The following PCMTD1 variants were observed in gnomAD, a reference collection of about 807,000 sequenced individuals.
PCMTD1 encodes protein-L-isoaspartate O-methyltransferase domain-containing protein 1.
In PCMTD1, 12 loss-of-function variants were observed where a neutral mutation model predicts 37.6. The ratio of observed to expected loss-of-function variants is 0.32; its 90% CI spans 0.20 to 0.52. The LOEUF (loss-of-function observed/expected upper bound fraction) is 0.52, where lower values mean the gene tolerates loss of function less well. Ranked by LOEUF, PCMTD1 falls within the 20% of genes least tolerant of loss-of-function variation. PCMTD1 has a pLI of 0.97. For synonymous variants in PCMTD1, 117 were observed against 135.8 expected (o/e 0.86, Z 0.96); for missense variants, 235 against 421.3 (o/e 0.56, Z 3.87).
intron 1 of PCMTD1, among the ~76,000 whole-genome samples, chr8:51,880,939 T>C (rs1001979760): frequency 1.3e-5 from 2 of 152,252 alleles, no homozygotes; most frequent in African/African-American, 4.8e-5. Flanking sequence ...ATCATTTTCA[T>C]GTCATAAAAT....
At chr8:51,868,694 AAAT>A (rs1490838403) in intron 1 of PCMTD1, among the ~76,000 whole-genome samples, 1 of 152,166 alleles carries the variant, frequency 6.6e-6, no homozygotes, top group African/African-American at 2.4e-5. Context: ...ATTATTACAT[AAAT>A]AATAACTTAA....
At chr8:51,858,922 A>G (rs2038430923) in intron 2 of PCMTD1, among the ~76,000 whole-genome samples, 1 of 152,184 alleles carries the variant, frequency 6.6e-6, no homozygotes, top group South Asian at 2.1e-4. Flanking sequence ...TAAGACATTC[A>G]TGATACAATA....
At chr8:51,846,410 G>C (rs4545087) in intron 2 of PCMTD1, among the ~76,000 whole-genome samples, 148,804 of 152,310 alleles carry the variant, frequency 0.98, 72,786 homozygotes, top group East Asian at 1. Flanking sequence ...TCCCAGCCCC[G>C]AGAGATGTTA....
intron 2 of PCMTD1, chr8:51,850,064 T>C (rs762723339): frequency 1.3e-5 from 9 of 702,264 alleles, no homozygotes; most frequent in South Asian, 3.0e-5. Flanking sequence ...ATCATTTCAG[T>C]TGAGGACTCT....
chr8:51,877,515 A>AT (rs560688162), intron 1 of PCMTD1, among the ~76,000 whole-genome samples: 30 of 152,320 alleles, frequency 2.0e-4, no homozygotes, highest in South Asian at 4.1e-4. Flanking sequence ...AAGTACATTA[A>AT]TTTTTTTATT....
At chr8:51,841,457 C>G (rs531147923) in intron 3 of PCMTD1, among the ~76,000 whole-genome samples, 2 of 152,180 alleles carry the variant, frequency 1.3e-5, no homozygotes, top group East Asian at 3.9e-4. Flanking sequence ...TAAAAGGGGA[C>G]GAATATAGGA....
At chr8:51,842,390 G>A (rs1411094266) in intron 3 of PCMTD1, among the ~76,000 whole-genome samples, 1 of 152,058 alleles carries the variant, frequency 6.6e-6, no homozygotes, top group Admixed American at 6.6e-5. Context: ...GAGTGCAATA[G>A]TGCAATCTTG....
At chr8:51,878,503 T>C (rs183793578) in intron 1 of PCMTD1, among the ~76,000 whole-genome samples, 2 of 152,254 alleles carry the variant, frequency 1.3e-5, no homozygotes, top group Admixed American at 6.5e-5. Flanking sequence ...TCCCAGCACT[T>C]TGGGAGGCTG....
intron 1 of PCMTD1, among the ~76,000 whole-genome samples, chr8:51,864,428 A>G (rs2038521306): frequency 6.6e-6 from 1 of 152,206 alleles, no homozygotes; most frequent in African/African-American, 2.4e-5. Context: ...TCTATCCAAC[A>G]GCAACTGAAA....
chr8:51,839,394 G>A (rs1585799598), intron 3 of PCMTD1: 4 of 912,910 alleles, frequency 4.4e-6, no homozygotes, highest in Non-Finnish European at 3.9e-6. Flanking sequence ...CAGATATCTC[G>A]GTTTAGAACA....
rs775700082 is a variant in PCMTD1 at position 51,831,429 on chromosome 8, T to A, written c.706+15A>T. The A allele has an allele frequency of 3.0e-5, 49 of 1,610,294 alleles. No homozygotes were observed. The highest frequency in any genetic ancestry group is 1.9e-4 in the Middle Eastern group (1 of 5,272). On this transcript the variant is annotated intron_variant, in intron 5 of 5. Transcript: ENST00000522514. Reference sequence around the variant, plus strand: ...TAAGTCATAATTCAATCAGAAAATATGAAGAGCTACTTACGGAGTCCCACA... The same window carrying A: ...TAAGTCATAATTCAATCAGAAAATAAGAAGAGCTACTTACGGAGTCCCACA...
Position 51,845,756 on chromosome 8 carries a change from A to G in PCMTD1, c.315T>C (p.Phe105=), listed in dbSNP as rs2038208596. The G allele has an allele frequency of 1.9e-6, 3 of 1,611,168 alleles. No homozygotes were observed. The highest frequency in any genetic ancestry group is 1.1e-5 in the South Asian group (1 of 90,880). The part of the protein sequence containing the change: ...STMVGLILGP[F]GINHGIELHS... ...GAAGCTCAATCCCATGATTTATTCC[A>G]AAAGGACCTGCAATCGTAGCAGCAT... Residue 105 remains phenylalanine, a synonymous_variant, in exon 3 of 6, where the codon TTT becomes TTC. Transcript: ENST00000522514.
intron 3 of PCMTD1, among the ~76,000 whole-genome samples, chr8:51,836,933 A>C (rs1252676495): frequency 6.6e-6 from 1 of 152,228 alleles, no homozygotes; most frequent in Non-Finnish European, 1.5e-5. Flanking sequence ...TGGTTACTGT[A>C]ATAACTGGAG....
intron 1 of PCMTD1, among the ~76,000 whole-genome samples, chr8:51,870,964 C>T (rs2038631432): frequency 6.6e-6 from 1 of 152,068 alleles, no homozygotes; most frequent in Admixed American, 6.6e-5. Context: ...GTTTCTTTAT[C>T]TATAAAATGA....
At chr8:51,873,602 G>A (rs919161456) in intron 1 of PCMTD1, among the ~76,000 whole-genome samples, 1 of 152,112 alleles carries the variant, frequency 6.6e-6, no homozygotes, top group Admixed American at 6.5e-5. Context: ...ATTGCAGGCA[G>A]TGATTGGATC....
At chr8:51,849,885 T>A in intron 2 of PCMTD1, 1 of 589,922 alleles carries the variant, frequency 1.7e-6, no homozygotes, top group Non-Finnish European at 3.0e-6. Flanking sequence ...GTGGTGCTGA[T>A]GAGTAGAAGA....
chr8:51,833,462 C>A (rs1043444071), intron 4 of PCMTD1, 56 bp downstream of exon 4: 4 of 1,437,312 alleles, frequency 2.8e-6, no homozygotes, highest in Non-Finnish European at 2.8e-6. Context: ...ATTTCTTAAC[C>A]TTAAACAAAT....
rs184531775 is a variant in PCMTD1 at position 51,846,481 on chromosome 8, T to C, written c.308-718A>G. On this transcript the variant is annotated intron_variant, in intron 2 of 5. Transcript: ENST00000522514. ...AGGACTCAGTGTCTCCTAAGGCTAC[T>C]GTACATACATACTAACCTGCCCCAT... Among the ~76,000 whole-genome samples the C allele has an allele frequency of 1.1e-4, 16 of 152,352 alleles. No homozygotes were observed. The East Asian group carries it at 2.7e-3, about 26-fold the overall frequency.
At chr8:51,826,858 A>C in intron 5 of PCMTD1, 2 of 835,648 alleles carry the variant, frequency 2.4e-6, no homozygotes, top group Non-Finnish European at 2.9e-6. Flanking sequence ...CCCAAACAAA[A>C]AAACCACAGA....
Sources: allele counts gnomAD v4.1 joint callset (sites outside exome capture counted in the v4.1 genomes callset), GRCh38; gene constraint gnomAD v4.1.1; transcripts MANE v1.5; gene names NCBI Gene and HGNC (gene_info 2026-07-23, HGNC 2026-07-21).